LCLAT1: variants seen among roughly 807,000 people sequenced by gnomAD.
LCLAT1 encodes 1-AGP acyltransferase 8.
LCLAT1 carries 11 observed loss-of-function variants against 30.7 expected under a neutral mutation model. The ratio of observed to expected loss-of-function variants is 0.36; its 90% confidence interval spans 0.23 to 0.59. The LOEUF is 0.59. Ranked by LOEUF, LCLAT1 falls within the 20% of genes least tolerant of loss-of-function variation. The pLI is 0.77. For missense variants in LCLAT1, 402 were observed against 458.6 expected (o/e 0.88, Z 1.13); for synonymous variants, 155 against 151.3 (o/e 1.02, Z -0.18).
At chr2:30,540,662 CCTTT>C (rs1324979620) in intron 3 of LCLAT1, among the ~76,000 whole-genome samples, 1 of 151,270 alleles carries the variant, frequency 6.6e-6, no homozygotes, top group East Asian at 1.9e-4. Context: ...TCTTTCTTTT[CCTTT>C]CTTTTTTTTT....
intron 1 of LCLAT1, among the ~76,000 whole-genome samples, chr2:30,482,243 T>C (rs1683356469): frequency 6.6e-6 from 1 of 152,200 alleles, no homozygotes; most frequent in Non-Finnish European, 1.5e-5. Context: ...ACTGTTTCTG[T>C]GGTTTACATT....
chr2:30,583,710 C>T (rs1233558217), intron 5 of LCLAT1, among the ~76,000 whole-genome samples: 1 of 152,118 alleles, frequency 6.6e-6, no homozygotes, highest in Non-Finnish European at 1.5e-5. Flanking sequence ...GAGCTGCCAT[C>T]ATTTCTGTGG....
At chr2:30,495,194 G>C (rs1684047275) in intron 1 of LCLAT1, among the ~76,000 whole-genome samples, 1 of 152,070 alleles carries the variant, frequency 6.6e-6, no homozygotes, top group African/African-American at 2.4e-5. Context: ...TGCAGAAACA[G>C]ATTTAGGATT....
rs1000108570 is a variant in LCLAT1, at chr2:30,486,589, C to T, written c.-4-38998C>T. 1.4e-4 allele frequency among the ~76,000 whole-genome samples: 21 copies of T among 152,284 alleles called. 1 individual carries two copies. In the East Asian group the frequency reaches 3.5e-3, roughly 25 times the overall value. Reference sequence around the variant, plus strand: ...TCCTTCCCAGTTATGTGCCACCCATCGTTCATTTCAAATCCTCTAGTGGCA... The same window carrying T: ...TCCTTCCCAGTTATGTGCCACCCATTGTTCATTTCAAATCCTCTAGTGGCA... On this transcript the variant is annotated intron_variant, in intron 1 of 5. Transcript: ENST00000379509.
intron 5 of LCLAT1, among the ~76,000 whole-genome samples, chr2:30,576,120 G>A (rs190053443): frequency 6.6e-6 from 1 of 152,170 alleles, no homozygotes; most frequent in Non-Finnish European, 1.5e-5. Context: ...AAATATTGGT[G>A]CCCTGTATAA....
chr2:30,593,259 GAAT>G (rs1248060128), intron 5 of LCLAT1, among the ~76,000 whole-genome samples: 2 of 152,092 alleles, frequency 1.3e-5, no homozygotes, highest in Non-Finnish European at 2.9e-5. Flanking sequence ...TTTTATGGCT[GAAT>G]AATATTTCAT....
At chr2:30,498,652 C>T (rs1470359905) in intron 1 of LCLAT1, among the ~76,000 whole-genome samples, 1 of 152,132 alleles carries the variant, frequency 6.6e-6, no homozygotes, top group East Asian at 1.9e-4. Flanking sequence ...TTACTTTATC[C>T]TCTCTCATGG....
intron 5 of LCLAT1, among the ~76,000 whole-genome samples, chr2:30,574,426 C>T (rs551681790): frequency 6.6e-6 from 1 of 152,234 alleles, no homozygotes; most frequent in Admixed American, 6.5e-5. Flanking sequence ...TCCCATGGCT[C>T]TTCACAAAGA....
intron 5 of LCLAT1, among the ~76,000 whole-genome samples, chr2:30,602,014 G>T (rs1667212019): frequency 6.6e-6 from 1 of 152,076 alleles, no homozygotes; most frequent in Non-Finnish European, 1.5e-5. Context: ...TAGATATGAT[G>T]AGGGGAAGAG....
chr2:30,543,950 T>G (rs1333012470), intron 3 of LCLAT1, among the ~76,000 whole-genome samples: 1 of 152,178 alleles, frequency 6.6e-6, no homozygotes. Context: ...TTAATTTGCT[T>G]TTTTTAAAAT....
In LCLAT1 at chr2:30,533,264, G is replaced by C; in HGVS notation, c.314G>C (p.Arg105Thr). Residue 105 changes from arginine to threonine, a missense_variant, in exon 3 of 6, where the codon AGA (arginine) becomes ACA (threonine). Coordinates refer to ENST00000379509, the MANE Select transcript of LCLAT1 (RefSeq NM_001002257.3). ...WNCLMRYSYL[R>T]LEKICLKASL... ...TGCCTGATGCGATATAGCTACCTCAGATTGGAGAAAATTTGCCTCAAAGCG... is the reference window on the plus strand; with the variant it reads ...TGCCTGATGCGATATAGCTACCTCACATTGGAGAAAATTTGCCTCAAAGCG... 6.2e-7 allele frequency: 1 copy of C among 1,614,140 alleles called. No homozygotes were observed. The highest frequency in any genetic ancestry group is 1.1e-5 in the South Asian group (1 of 91,084).
intron 4 of LCLAT1, among the ~76,000 whole-genome samples, chr2:30,563,563 A>C (rs775895792): frequency 5.3e-5 from 8 of 152,218 alleles, no homozygotes; most frequent in Non-Finnish European, 1.2e-4. Flanking sequence ...CTGCTGTGTA[A>C]GGGAAGACAG....
At chr2:30,525,802 C>A in intron 2 of LCLAT1, 47 bp downstream of exon 2, 1 of 1,548,220 alleles carries the variant, frequency 6.5e-7, no homozygotes, top group Non-Finnish European at 8.9e-7. Flanking sequence ...TAGAGTGCTC[C>A]CCACCCCTGA....
At chr2:30,571,910 A>G (rs1266173420) in intron 5 of LCLAT1, among the ~76,000 whole-genome samples, 1 of 152,184 alleles carries the variant, frequency 6.6e-6, no homozygotes. Flanking sequence ...TTTTGAGGCC[A>G]TTTTACAAGG....
chr2:30,550,763 G>T (rs1664642494), intron 3 of LCLAT1, among the ~76,000 whole-genome samples: 1 of 152,256 alleles, frequency 6.6e-6, no homozygotes, highest in Non-Finnish European at 1.5e-5. Flanking sequence ...AAGGCTGGCT[G>T]TTGGGGGAAA....
intron 5 of LCLAT1, among the ~76,000 whole-genome samples, chr2:30,632,851 A>C (rs1202085625): frequency 6.6e-6 from 1 of 152,228 alleles, no homozygotes; most frequent in African/African-American, 2.4e-5. Flanking sequence ...TTTGTTCCTT[A>C]AGTATTCAAC....
At chr2:30,459,657 G>T in intron 1 of LCLAT1, 1 of 1,614,142 alleles carries the variant, frequency 6.2e-7, no homozygotes, top group East Asian at 2.2e-5. Context: ...TGAACCCATG[G>T]TCAATTAACG....
intron 5 of LCLAT1, among the ~76,000 whole-genome samples, chr2:30,636,541 T>A (rs957484818): frequency 3.1e-4 from 47 of 152,140 alleles, no homozygotes; most frequent in African/African-American, 1.1e-3. Context: ...AGGCAGTCTG[T>A]GTCCACAGCC....
At chr2:30,575,639 A>C (rs1478837744) in intron 5 of LCLAT1, among the ~76,000 whole-genome samples, 1 of 152,166 alleles carries the variant, frequency 6.6e-6, no homozygotes, top group Non-Finnish European at 1.5e-5. Flanking sequence ...CGGAGGATAA[A>C]AGAGTACATT....
Sources: gnomAD v4.1 joint callset for allele counts (sites outside exome capture counted in the v4.1 genomes callset) on GRCh38, gnomAD v4.1.1 for gene constraint, MANE v1.5 for transcripts, NCBI Gene and HGNC (gene_info 2026-07-23, HGNC 2026-07-21) for gene names.